Variants in HS3ST5 observed in about 807,000 individuals in gnomAD.
The protein encoded by HS3ST5 is heparan sulfate-glucosamine 3-sulfotransferase 5, also known as heparan sulfate glucosamine 3-O-sulfotransferase 5.
A neutral mutation model predicts 25.4 loss-of-function variants in HS3ST5; 10 were observed. That is an observed-to-expected ratio of 0.39 (90% CI 0.24 to 0.67). HS3ST5 has a LOEUF of 0.67. Among genes scored for constraint, HS3ST5 ranks in the 30% least tolerant of loss-of-function variants. HS3ST5 has a pLI of 0.44. For synonymous variants in HS3ST5, 170 were observed against 162.4 expected (o/e 1.05, Z -0.36); for missense variants, 324 against 420.7 (o/e 0.77, Z 2.01).
intron 3 of HS3ST5, chr6:114,084,846 T>TG (rs1342770996): frequency 1.6e-6 from 1 of 631,570 alleles, no homozygotes; most frequent in Non-Finnish European, 2.8e-6. Flanking sequence ...TTTTTTTTTT[T>TG]TTTTGAGACG....
rs200376637 is a variant in HS3ST5 at position 114,057,656 on chromosome 6, G to A, written c.642C>T (p.Ala214=). The A allele has an allele frequency of 5.6e-6, 9 of 1,614,096 alleles. No homozygotes were observed. In the Admixed American group the frequency reaches 1.0e-4, roughly 18 times the overall value. Residue 214 remains alanine (A), a synonymous_variant, in exon 5 of 5, where the codon GCC becomes GCT. Transcript: ENST00000312719. The stretch of plus-strand genomic sequence containing the variant: ...TCACTTCGCATGTATTAGGGTCTAT[G>A]GCCAGCTTCTCAAACTTGTAATAAG... ...NKTYYKFEKL[A]IDPNTCEVNT... is the part of the protein sequence containing the mutation.
At chr6:114,341,591 G>A (rs1453610603) in intron 1 of HS3ST5, among the ~76,000 whole-genome samples, 2 of 149,350 alleles carry the variant, frequency 1.3e-5, no homozygotes, top group African/African-American at 4.9e-5. Flanking sequence ...CATCCATCCC[G>A]CGCGCGCGCG....
intron 3 of HS3ST5, chr6:114,142,724 C>T (rs1582646811): frequency 1.4e-5 from 2 of 142,082 alleles, no homozygotes; most frequent in African/African-American, 5.2e-5. Flanking sequence ...TCAATCTAGT[C>T]TTCATGAGCT....
intron 3 of HS3ST5, among the ~76,000 whole-genome samples, chr6:114,079,871 G>C (rs1351249382): frequency 6.6e-6 from 1 of 152,138 alleles, no homozygotes; most frequent in Non-Finnish European, 1.5e-5. Context: ...TACCTCCTGG[G>C]TTCAAGCGAT....
At chr6:114,161,072 T>G (rs2114981887) in intron 3 of HS3ST5, among the ~76,000 whole-genome samples, 1 of 152,234 alleles carries the variant, frequency 6.6e-6, no homozygotes, top group African/African-American at 2.4e-5. Context: ...GACTCAGCAA[T>G]GATCATTTAG....
chr6:114,065,937 CT>C (rs1773422054), intron 3 of HS3ST5, among the ~76,000 whole-genome samples: 1 of 152,190 alleles, frequency 6.6e-6, no homozygotes, highest in Non-Finnish European at 1.5e-5. Flanking sequence ...TCACCAGCTC[CT>C]TGGTCCACCT....
At chr6:114,080,782 G>C (rs935411057) in intron 3 of HS3ST5, among the ~76,000 whole-genome samples, 4 of 152,138 alleles carry the variant, frequency 2.6e-5, no homozygotes, top group African/African-American at 9.7e-5. Flanking sequence ...GACTACTAGA[G>C]GTAGGAGGGA....
At chr6:114,179,497 G>A (rs1253410195) in intron 2 of HS3ST5, among the ~76,000 whole-genome samples, 1 of 152,066 alleles carries the variant, frequency 6.6e-6, no homozygotes, top group African/African-American at 2.4e-5. Flanking sequence ...TTAAAATCTT[G>A]CAACTTGTAG....
At chr6:114,246,724 A>T (rs540596307) in intron 1 of HS3ST5, among the ~76,000 whole-genome samples, 1 of 152,316 alleles carries the variant, frequency 6.6e-6, no homozygotes, top group Admixed American at 6.5e-5. Flanking sequence ...GTTTGTTTAG[A>T]CCTTACACAA....
At chr6:114,188,584 T>C (rs1318858766) in intron 2 of HS3ST5, among the ~76,000 whole-genome samples, 1 of 146,234 alleles carries the variant, frequency 6.8e-6, no homozygotes, top group Admixed American at 7.1e-5. Context: ...CTTAAATTCT[T>C]CTAGCTGAAT....
At chr6:114,255,234 A>G (rs1772852216) in intron 1 of HS3ST5, among the ~76,000 whole-genome samples, 1 of 152,220 alleles carries the variant, frequency 6.6e-6, no homozygotes. Context: ...CAAATCTTAA[A>G]GCTCCAAAAT....
intron 2 of HS3ST5, among the ~76,000 whole-genome samples, chr6:114,202,101 G>T (rs963773791): frequency 6.6e-6 from 1 of 151,916 alleles, no homozygotes; most frequent in African/African-American, 2.4e-5. Context: ...ATTTAAAACT[G>T]CAACCTCTAC....
At chr6:114,161,918 A>T (rs1562221139) in intron 3 of HS3ST5, among the ~76,000 whole-genome samples, 2 of 152,020 alleles carry the variant, frequency 1.3e-5, no homozygotes. Context: ...ATTTGTGAAA[A>T]TAATCAAATC....
At chr6:114,254,210 T>C (rs1260965643) in intron 1 of HS3ST5, among the ~76,000 whole-genome samples, 1 of 152,204 alleles carries the variant, frequency 6.6e-6, no homozygotes, top group East Asian at 1.9e-4. Flanking sequence ...AGATTTTCTA[T>C]TGTCCCTGCC....
chr6:114,081,671 C>T (rs1352721766), intron 3 of HS3ST5, among the ~76,000 whole-genome samples: 2 of 152,146 alleles, frequency 1.3e-5, no homozygotes, highest in East Asian at 3.9e-4. Flanking sequence ...AATTAGTACA[C>T]CAGTTCCAAT....
chr6:114,197,841 T>C (rs1780834691), intron 2 of HS3ST5, among the ~76,000 whole-genome samples: 1 of 152,100 alleles, frequency 6.6e-6, no homozygotes, highest in African/African-American at 2.4e-5. Flanking sequence ...CTCCCTTAGA[T>C]GAGAAAAAAT....
At chr6:114,146,595 G>A (rs754191854) in intron 3 of HS3ST5, among the ~76,000 whole-genome samples, 1 of 152,200 alleles carries the variant, frequency 6.6e-6, no homozygotes, top group Non-Finnish European at 1.5e-5. Flanking sequence ...CTGTTCCTAA[G>A]TGATACGGTT....
intron 4 of HS3ST5, among the ~76,000 whole-genome samples, 191 bp from the exon 5 acceptor site, chr6:114,058,381 A>T (rs1330829506): frequency 6.6e-6 from 1 of 152,206 alleles, no homozygotes; most frequent in African/African-American, 2.4e-5. Context: ...CACATAATTG[A>T]TGAATTTTTT....
intron 3 of HS3ST5, among the ~76,000 whole-genome samples, chr6:114,113,564 T>C (rs1267712476): frequency 2.6e-5 from 4 of 151,914 alleles, no homozygotes; most frequent in African/African-American, 7.2e-5. Context: ...AATTCGAGTG[T>C]CACCTCTTCT....
Sources: allele counts gnomAD v4.1 joint callset (sites outside exome capture counted in the v4.1 genomes callset), GRCh38; gene constraint gnomAD v4.1.1; transcripts MANE v1.5; gene names NCBI Gene and HGNC (gene_info 2026-07-23, HGNC 2026-07-21).